AGBL4: variants seen among roughly 807,000 people sequenced by gnomAD.
AGBL4 encodes the protein AGBL carboxypeptidase 4.
AGBL4 carries 58 observed loss-of-function variants against 66.4 expected under a neutral mutation model. The observed-to-expected ratio is 0.87, with a 90% confidence interval of 0.71 to 1.09. The LOEUF (loss-of-function observed/expected upper bound fraction) is 1.09. Among genes scored for constraint, AGBL4 ranks in the 50% least tolerant of loss-of-function variants. The pLI is 0.00. For synonymous variants in AGBL4, 234 were observed against 222.9 expected, an observed-to-expected ratio of 1.05 and a Z score of -0.44; for missense variants, 579 against 631.0, an observed-to-expected ratio of 0.92 and a Z score of 0.88.
intron 2 of AGBL4, among the ~76,000 whole-genome samples, chr1:49,813,807 G>C (rs573445894): frequency 6.6e-6 from 1 of 152,226 alleles, no homozygotes; most frequent in African/African-American, 2.4e-5. Flanking sequence ...TATGGAAAGA[G>C]AGTACTTGAT....
intron 3 of AGBL4, among the ~76,000 whole-genome samples, chr1:49,656,900 A>G (rs561279703): frequency 1.3e-5 from 2 of 152,320 alleles, no homozygotes; most frequent in African/African-American, 4.8e-5. Context: ...AGCCAATATC[A>G]TACTGAATGG....
chr1:48,862,042 G>A (rs560000253), intron 6 of AGBL4, among the ~76,000 whole-genome samples: 1 of 152,150 alleles, frequency 6.6e-6, no homozygotes, highest in South Asian at 2.1e-4. Context: ...CTAACTATGT[G>A]CCTAGAAGCT....
At chr1:49,295,786 A>G (rs1644632103) in intron 3 of AGBL4, among the ~76,000 whole-genome samples, 1 of 152,134 alleles carries the variant, frequency 6.6e-6, no homozygotes, top group South Asian at 2.1e-4. Flanking sequence ...GACTCTATTT[A>G]TATCAAATCT....
At chr1:49,573,228 T>G (rs1239901399) in intron 3 of AGBL4, among the ~76,000 whole-genome samples, 1 of 150,112 alleles carries the variant, frequency 6.7e-6, no homozygotes, top group South Asian at 2.2e-4. Flanking sequence ...CCCTGACTAA[T>G]GCAGATTTTA....
intron 6 of AGBL4, among the ~76,000 whole-genome samples, chr1:48,851,375 G>A (rs140570497): frequency 3.5e-4 from 54 of 152,312 alleles, no homozygotes; most frequent in African/African-American, 1.3e-3. Context: ...ACACGAGCAT[G>A]TTTCTGAAAC....
intron 3 of AGBL4, among the ~76,000 whole-genome samples, chr1:49,605,648 A>G (rs1414614149): frequency 6.6e-6 from 1 of 152,204 alleles, no homozygotes; most frequent in Non-Finnish European, 1.5e-5. Context: ...TGCCATGGCA[A>G]TGCCAAGAAT....
chr1:49,376,633 T>C (rs1644477415), intron 3 of AGBL4, among the ~76,000 whole-genome samples: 1 of 152,054 alleles, frequency 6.6e-6, no homozygotes, highest in African/African-American at 2.4e-5. Flanking sequence ...TTAAACTCTA[T>C]TCAGTTACTT....
chr1:48,797,333 A>G (rs1645707602), intron 6 of AGBL4, among the ~76,000 whole-genome samples: 1 of 152,134 alleles, frequency 6.6e-6, no homozygotes, highest in Non-Finnish European at 1.5e-5. Flanking sequence ...TGGGAAGTGT[A>G]CACTGTACCT....
chr1:49,626,811 C>T (rs1312879557), intron 3 of AGBL4, among the ~76,000 whole-genome samples: 1 of 152,082 alleles, frequency 6.6e-6, no homozygotes, highest in East Asian at 1.9e-4. Context: ...CATTATAGTT[C>T]CAGGGTGTGT....
intron 11 of AGBL4, among the ~76,000 whole-genome samples, chr1:48,550,325 G>A (rs1229143722): frequency 2.0e-5 from 3 of 152,026 alleles, no homozygotes; most frequent in East Asian, 1.9e-4. Flanking sequence ...CACAGGCCCC[G>A]GGGAGAAAAC....
intron 2 of AGBL4, among the ~76,000 whole-genome samples, chr1:49,743,904 TG>T (rs1650769039): frequency 1.3e-5 from 1 of 79,744 alleles, no homozygotes; most frequent in African/African-American, 5.2e-5. Context: ...GGACCTATTG[TG>T]GGGTGGGGGG....
chr1:49,335,718 TG>T (rs1382498563), intron 3 of AGBL4, among the ~76,000 whole-genome samples: 1 of 152,118 alleles, frequency 6.6e-6, no homozygotes, highest in African/African-American at 2.4e-5. Flanking sequence ...GGTTTCACCA[TG>T]TTAGTCAGGA....
intron 4 of AGBL4, among the ~76,000 whole-genome samples, chr1:49,088,091 A>T (rs1644939554): frequency 6.6e-6 from 1 of 152,214 alleles, no homozygotes; most frequent in Admixed American, 6.5e-5. Context: ...GGAGTGCTAA[A>T]TATGGAAAGG....
intron 6 of AGBL4, among the ~76,000 whole-genome samples, chr1:48,762,436 GT>G (rs1361123640): frequency 1.3e-5 from 2 of 152,164 alleles, no homozygotes; most frequent in Non-Finnish European, 2.9e-5. Flanking sequence ...TCTCTGGACT[GT>G]CCCCTTGTGG....
At chr1:49,957,914 G>T (rs1242126674) in intron 1 of AGBL4, among the ~76,000 whole-genome samples, 3 of 152,064 alleles carry the variant, frequency 2.0e-5, no homozygotes, top group Admixed American at 2.0e-4. Context: ...GATGTTAGCT[G>T]GTTATTTTGC....
intron 6 of AGBL4, among the ~76,000 whole-genome samples, chr1:48,710,549 G>A (rs1247844859): frequency 6.6e-6 from 1 of 152,156 alleles, no homozygotes; most frequent in African/African-American, 2.4e-5. Flanking sequence ...TAAGAGGCCA[G>A]GCTTTGTCCT....
At chr1:49,052,459 G>T (rs942258007) in intron 4 of AGBL4, among the ~76,000 whole-genome samples, 1 of 152,118 alleles carries the variant, frequency 6.6e-6, no homozygotes, top group African/African-American at 2.4e-5. Context: ...TTCTTCCCCC[G>T]TGCCTCTGTA....
At chr1:49,949,057 T>A (rs952064082) in intron 1 of AGBL4, among the ~76,000 whole-genome samples, 1 of 151,334 alleles carries the variant, frequency 6.6e-6, no homozygotes, top group Admixed American at 6.6e-5. Context: ...ACTTACAGGA[T>A]CTTTGACAAA....
intron 2 of AGBL4, among the ~76,000 whole-genome samples, chr1:49,785,897 T>A (rs201749830): frequency 0.04 from 5,223 of 129,146 alleles, 246 homozygotes; most frequent in African/African-American, 0.14. Flanking sequence ...AAAAAAAATA[T>A]ATATATATAT....
Sources: gnomAD v4.1 joint callset for allele counts (sites outside exome capture counted in the v4.1 genomes callset) on GRCh38, gnomAD v4.1.1 for gene constraint, MANE v1.5 for transcripts, NCBI Gene and HGNC (gene_info 2026-07-23, HGNC 2026-07-21) for gene names.